Variants in IL1RAPL2 observed in about 807,000 individuals in gnomAD.
IL1RAPL2 encodes interleukin 1 receptor accessory protein like 2, also known as X-linked interleukin-1 receptor accessory protein-like 2.
IL1RAPL2 carries 3 observed loss-of-function variants against 44.1 expected under a neutral mutation model. The ratio of observed to expected loss-of-function variants is 0.07; its 90% CI spans 0.03 to 0.18. IL1RAPL2 has a LOEUF of 0.18. IL1RAPL2 is among the 10% of genes least tolerant of loss of function. The probability of loss-of-function intolerance (pLI) is 1.00; values close to 1 mark genes in which losing one functional copy is unlikely to be tolerated. For missense variants in IL1RAPL2, 391 were observed against 496.4 expected (o/e 0.79, Z 2.02); for synonymous variants, 181 against 178.8 (o/e 1.01, Z -0.10).
At chrX:104,695,975 T>G (rs1216943955) in intron 2 of IL1RAPL2, among the ~76,000 whole-genome samples, 1 of 110,595 alleles carries the variant, frequency 9.0e-6, no homozygotes, top group East Asian at 2.9e-4. Context: ...ACCCGGCTAA[T>G]TTTTGTATTT....
chrX:105,647,568 C>A (rs1458428704), intron 6 of IL1RAPL2, among the ~76,000 whole-genome samples: 1 of 111,998 alleles, frequency 8.9e-6, no homozygotes, highest in East Asian at 2.8e-4. Context: ...AAGGTGGGTG[C>A]AGTCACCTTC....
chrX:104,891,420 C>T (rs936350552), intron 2 of IL1RAPL2, among the ~76,000 whole-genome samples: 16 of 112,090 alleles, frequency 1.4e-4, no homozygotes, highest in Non-Finnish European at 2.8e-4. Context: ...ATTGATTCTT[C>T]CTATCCATGA....
chrX:104,683,399 T>C (rs1021567131), intron 2 of IL1RAPL2, among the ~76,000 whole-genome samples: 2 of 111,798 alleles, frequency 1.8e-5, no homozygotes, highest in Non-Finnish European at 3.8e-5. Context: ...TCTCAAATTG[T>C]CTTCTGTGCA....
At chrX:104,710,942 A>T (rs992172400) in intron 2 of IL1RAPL2, among the ~76,000 whole-genome samples, 3 of 111,398 alleles carry the variant, frequency 2.7e-5, no homozygotes, top group Non-Finnish European at 5.7e-5. Context: ...ACTCTTTATC[A>T]TTGTTTTAGA....
chrX:105,761,220 T>TACACACACAC (rs113089380), intron 10 of IL1RAPL2, among the ~76,000 whole-genome samples: 33 of 84,128 alleles, frequency 3.9e-4, no homozygotes, highest in African/African-American at 1.1e-3. Context: ...ACTCTTCCTA[T>TACACACACAC]ACACACACAC....
At chrX:105,123,358 T>C (rs1421979872) in intron 2 of IL1RAPL2, among the ~76,000 whole-genome samples, 1 of 111,223 alleles carries the variant, frequency 9.0e-6, no homozygotes, top group East Asian at 2.8e-4. Context: ...GTTTAGTTGG[T>C]GAGAGCCCCA....
chrX:105,492,842 A>T (rs1004085716), intron 6 of IL1RAPL2, among the ~76,000 whole-genome samples: 1 of 110,889 alleles, frequency 9.0e-6, no homozygotes, highest in Non-Finnish European at 1.9e-5. Context: ...TCTATTCACG[A>T]TGTTGTGCAA....
intron 2 of IL1RAPL2, among the ~76,000 whole-genome samples, chrX:105,191,153 C>A: frequency 8.9e-6 from 1 of 112,860 alleles, no homozygotes; most frequent in Admixed American, 9.3e-5. Flanking sequence ...GAGTTTTATA[C>A]AAGTGGCTTT....
At chrX:105,438,040 C>T (rs1443443908) in intron 5 of IL1RAPL2, among the ~76,000 whole-genome samples, 1 of 111,763 alleles carries the variant, frequency 8.9e-6, no homozygotes, top group African/African-American at 3.3e-5. Context: ...TTAACCATGA[C>T]AAGCCTAAAT....
intron 7 of IL1RAPL2, among the ~76,000 whole-genome samples, chrX:105,720,519 T>C (rs1373372705): frequency 8.9e-6 from 1 of 111,746 alleles, no homozygotes; most frequent in Admixed American, 9.5e-5. Flanking sequence ...CATCTTGTTA[T>C]ATGTGTCAAT....
chrX:105,328,401 G>A (rs2034958100), intron 5 of IL1RAPL2, among the ~76,000 whole-genome samples: 2 of 111,620 alleles, frequency 1.8e-5, no homozygotes, highest in African/African-American at 6.5e-5. Context: ...AATTCTCATG[G>A]CTCTAACCCA....
chrX:105,443,898 G>C (rs2035937652), intron 5 of IL1RAPL2, among the ~76,000 whole-genome samples: 1 of 111,546 alleles, frequency 9.0e-6, no homozygotes, highest in Admixed American at 9.5e-5. Context: ...TCTATTTTTA[G>C]TTTTTTGAGG....
intron 1 of IL1RAPL2, among the ~76,000 whole-genome samples, chrX:104,571,161 C>T (rs1415805917): frequency 9.0e-6 from 1 of 111,476 alleles, no homozygotes; most frequent in Non-Finnish European, 1.9e-5. Context: ...GATTCTTGAT[C>T]TGGCCTGCTA....
At chrX:104,915,733 G>A (rs1197025307) in intron 2 of IL1RAPL2, among the ~76,000 whole-genome samples, 6 of 111,572 alleles carry the variant, frequency 5.4e-5, no homozygotes, top group East Asian at 5.7e-4. Context: ...TCCATCTTGA[G>A]TTAATTTTTG....
chrX:105,077,469 C>G (rs982284956), intron 2 of IL1RAPL2, among the ~76,000 whole-genome samples: 2 of 111,343 alleles, frequency 1.8e-5, no homozygotes, highest in Admixed American at 9.6e-5. Context: ...CTCTGGCTGC[C>G]CTTAACATTT....
At chrX:105,176,148 A>T (rs1396012519) in intron 2 of IL1RAPL2, among the ~76,000 whole-genome samples, 1 of 111,277 alleles carries the variant, frequency 9.0e-6, no homozygotes, top group Non-Finnish European at 1.9e-5. Context: ...AGTATTAAGG[A>T]TATACTAGAA....
intron 6 of IL1RAPL2, among the ~76,000 whole-genome samples, chrX:105,549,019 T>C (rs1347270700): frequency 1.8e-5 from 2 of 112,002 alleles, no homozygotes; most frequent in Non-Finnish European, 3.8e-5. Context: ...AACTTGAGTT[T>C]TTCATGCCGT....
At chrX:105,394,073 A>T (rs1029200543) in intron 5 of IL1RAPL2, among the ~76,000 whole-genome samples, 1 of 112,190 alleles carries the variant, frequency 8.9e-6, no homozygotes, top group African/African-American at 3.2e-5. Flanking sequence ...TGTCATGAGA[A>T]GTTTGTTTGT....
chrX:104,668,170 G>A (rs1930519354), intron 2 of IL1RAPL2, among the ~76,000 whole-genome samples: 1 of 110,779 alleles, frequency 9.0e-6, no homozygotes, highest in African/African-American at 3.3e-5. Context: ...CTAGACAGAT[G>A]GTGTTTTGAA....
Sources: allele counts gnomAD v4.1 joint callset (sites outside exome capture counted in the v4.1 genomes callset), GRCh38; gene constraint gnomAD v4.1.1; transcripts MANE v1.5; gene names NCBI Gene and HGNC (gene_info 2026-07-23, HGNC 2026-07-21).